The following TAS1R1 variants were observed in gnomAD, a reference collection of about 807,000 sequenced individuals.
The protein encoded by TAS1R1 is taste 1 receptor member 1.
Under a neutral mutation model 45.8 loss-of-function variants are expected in TAS1R1, and 31 were observed. The observed-to-expected ratio is 0.68, with a 90% confidence interval of 0.51 to 0.91. TAS1R1 has a LOEUF of 0.91. Among genes scored for constraint, TAS1R1 ranks in the 40% least tolerant of loss-of-function variants. The pLI is 0.00. For synonymous variants in TAS1R1, 437 were observed against 448.4 expected, an observed-to-expected ratio of 0.97 and a Z score of 0.32; for missense variants, 1,051 against 1,063.9, an observed-to-expected ratio of 0.99 and a Z score of 0.17.
intron 1 of TAS1R1, among the ~76,000 whole-genome samples, chr1:6,556,126 C>T (rs927349694): frequency 6.6e-6 from 1 of 152,156 alleles, no homozygotes; most frequent in Non-Finnish European, 1.5e-5. Flanking sequence ...CCACCTCGGC[C>T]TCCCAAAGTG....
chr1:6,571,359 G>A (rs1221134703), intron 2 of TAS1R1, 144 bp downstream of exon 2: 1 of 859,120 alleles, frequency 1.2e-6, no homozygotes, highest in East Asian at 2.8e-5. Flanking sequence ...CAAGTCAGGG[G>A]TCCCTGCCCA....
chr1:6,572,703 G>A (rs1031190036), intron 2 of TAS1R1, among the ~76,000 whole-genome samples: 1 of 151,934 alleles, frequency 6.6e-6, no homozygotes, highest in Non-Finnish European at 1.5e-5. Flanking sequence ...ATTCCCCGGA[G>A]CAGGCTTCGC....
At chr1:6,576,049 C>T (rs1466837723) in intron 3 of TAS1R1, among the ~76,000 whole-genome samples, 2 of 152,104 alleles carry the variant, frequency 1.3e-5, no homozygotes, top group Non-Finnish European at 2.9e-5. Context: ...AGGCTGGTCT[C>T]GAACTCCTGG....
chr1:6,562,205 G>C (rs1639801650), intron 1 of TAS1R1, among the ~76,000 whole-genome samples: 1 of 152,230 alleles, frequency 6.6e-6, no homozygotes, highest in Non-Finnish European at 1.5e-5. Flanking sequence ...GTCTCACTCT[G>C]TTGCCCAGGC....
rs756252043 is a variant in TAS1R1, at chr1:6,579,630, G to C, written c.*46G>C. On this transcript the variant is annotated 3_prime_UTR_variant, in exon 6 of 6. Coordinates refer to ENST00000333172, the MANE Select transcript of TAS1R1 (RefSeq NM_138697.4). ...GCTGGCAGCCTTCTCTGCCCTGAGG[G>C]TCGAAGGTCGAGCAGGCCGGGGGTG... is the stretch of plus-strand genomic sequence containing the variant. 4 of 1,557,148 alleles carry C rather than the reference G, an allele frequency of 2.6e-6. No individual in the cohort carries two copies. The African/African-American group carries it at 5.4e-5, about 21-fold the overall frequency.
Position 6,578,773 on chromosome 1 carries a change from C to T in TAS1R1, c.1715C>T (p.Ala572Val). The T allele has an allele frequency of 1.2e-6, 2 of 1,613,158 alleles. No individual in the cohort carries two copies. Among genetic ancestry groups the T allele is most frequent in the Non-Finnish European group, 1.7e-6 (2 of 1,180,004 alleles). The change falls in exon 6 of 6, where the codon GCA becomes GTA. Residue 572 changes from alanine to valine, a missense_variant. Physicochemically the swap from Ala to Val is moderately conservative, Grantham distance 64 (BLOSUM62 0). Transcript: ENST00000333172. ...GAGCACACCTCTTGGGTGCTGCTGG[C>T]AGCTAACACGCTGCTGCTGCTGCTG... is the stretch of plus-strand genomic sequence containing the variant. ...LREHTSWVLL[A>V]ANTLLLLLLL...
intron 1 of TAS1R1, among the ~76,000 whole-genome samples, chr1:6,564,459 A>G (rs1328953499): frequency 6.6e-6 from 1 of 152,072 alleles, no homozygotes; most frequent in Non-Finnish European, 1.5e-5. Flanking sequence ...TGGACTGAGG[A>G]AGGAGGGTGC....
In TAS1R1 at chr1:6,578,896, C is replaced by A. The variant is rs1309965793; in HGVS notation, c.1838C>A (p.Ala613Glu). The change falls in exon 6 of 6, where the codon GCA (alanine) becomes GAA (glutamate). Residue 613 changes from alanine (A) to glutamate (E), a missense_variant. Coordinates refer to ENST00000333172, the MANE Select transcript of TAS1R1 (RefSeq NM_138697.4). Reference protein sequence around the residue: ...RLCFLMLGSLAAGSGSLYGFF... With the variant: ...RLCFLMLGSLEAGSGSLYGFF... ...TGCTTTCTTATGCTGGGCTCCCTGG[C>A]AGCAGGTAGTGGCAGCCTCTATGGC... 7.5e-6 allele frequency: 12 copies of A among 1,610,078 alleles called. No individual in the cohort carries two copies. The highest frequency in any genetic ancestry group is 1.0e-5 in the Non-Finnish European group (12 of 1,177,272).
intron 1 of TAS1R1, 29 bp from the exon 2 acceptor site, chr1:6,570,880 C>T: frequency 1.9e-6 from 3 of 1,567,746 alleles, no homozygotes; most frequent in Non-Finnish European, 2.6e-6. Context: ...TTGTCCTTCT[C>T]AGCTGTCTCT....
intron 1 of TAS1R1, among the ~76,000 whole-genome samples, chr1:6,563,056 G>C (rs1031809992): frequency 6.6e-6 from 1 of 152,232 alleles, no homozygotes; most frequent in African/African-American, 2.4e-5. Context: ...GCATTTGGCA[G>C]GGAGGGGAGC....
intron 1 of TAS1R1, among the ~76,000 whole-genome samples, chr1:6,558,636 C>T (rs1639726928): frequency 6.6e-6 from 1 of 152,032 alleles, no homozygotes; most frequent in Non-Finnish European, 1.5e-5. Context: ...ACAAGAATCA[C>T]TTGAACCGGG....
chr1:6,573,420 G>A lies in TAS1R1; in HGVS notation c.499-1211G>A, dbSNP rs577792858. Among the ~76,000 whole-genome samples, 13 of 152,000 alleles carry A rather than the reference G, an allele frequency of 8.6e-5. No individual in the cohort carries two copies. In the South Asian group the frequency reaches 1.0e-3, roughly 12 times the overall value. The stretch of plus-strand genomic sequence containing the variant: ...TGCAGTGAGCCAAGATCACGCCACC[G>A]CACTCCATCCTGGGCGACAGAGCAA... On this transcript the variant is annotated intron_variant, in intron 2 of 5. Transcript: ENST00000333172.
intron 1 of TAS1R1, among the ~76,000 whole-genome samples, chr1:6,557,008 C>A (rs1194937954): frequency 1.3e-4 from 8 of 63,436 alleles, no homozygotes; most frequent in East Asian, 4.2e-4. Flanking sequence ...GGCTCCATCT[C>A]AAAAAAAAAA....
At chr1:6,572,500 A>G (rs984801867) in intron 2 of TAS1R1, among the ~76,000 whole-genome samples, 1 of 152,050 alleles carries the variant, frequency 6.6e-6, no homozygotes, top group Non-Finnish European at 1.5e-5. Flanking sequence ...GGCTCAAGCA[A>G]TCCACCTGCC....
chr1:6,566,395 G>T (rs915503285), intron 1 of TAS1R1, among the ~76,000 whole-genome samples: 1 of 152,144 alleles, frequency 6.6e-6, no homozygotes, highest in Non-Finnish European at 1.5e-5. Context: ...AGGGACTACA[G>T]GGTGAATAGG....
intron 2 of TAS1R1, among the ~76,000 whole-genome samples, chr1:6,572,550 C>T (rs938470091): frequency 6.6e-6 from 1 of 152,114 alleles, no homozygotes; most frequent in Non-Finnish European, 1.5e-5. Context: ...CATGAGGCAC[C>T]GTGCCCTTTG....
intron 1 of TAS1R1, among the ~76,000 whole-genome samples, chr1:6,570,135 G>C (rs1488770541): frequency 1.3e-5 from 2 of 152,082 alleles, no homozygotes; most frequent in South Asian, 2.1e-4. Flanking sequence ...GAGAAAGAAC[G>C]AGTAGACCCA....
chr1:6,557,795 C>T (rs1000885274), intron 1 of TAS1R1, among the ~76,000 whole-genome samples: 1 of 152,156 alleles, frequency 6.6e-6, no homozygotes, highest in Admixed American at 6.5e-5. Context: ...TCTCCACCTC[C>T]TGGGATCAAG....
At chr1:6,557,480 G>T (rs1296845775) in intron 1 of TAS1R1, among the ~76,000 whole-genome samples, 1 of 152,204 alleles carries the variant, frequency 6.6e-6, no homozygotes, top group Non-Finnish European at 1.5e-5. Context: ...CCAGGCTGGA[G>T]TGTAGTGGTG....
Sources: allele counts gnomAD v4.1 joint callset (sites outside exome capture counted in the v4.1 genomes callset), GRCh38; gene constraint gnomAD v4.1.1; transcripts MANE v1.5; gene names NCBI Gene and HGNC (gene_info 2026-07-23, HGNC 2026-07-21).